Variants in LRP1B observed in about 807,000 individuals in gnomAD.
The protein encoded by LRP1B is low-density lipoprotein receptor-related protein 1B.
A neutral mutation model predicts 556.6 loss-of-function variants in LRP1B; 217 were observed. The ratio of observed to expected loss-of-function variants is 0.39; its 90% CI spans 0.35 to 0.44. The LOEUF (loss-of-function observed/expected upper bound fraction) is 0.44. Ranked by LOEUF, LRP1B falls within the 20% of genes least tolerant of loss-of-function variation. The pLI, the probability that LRP1B is intolerant of heterozygous loss-of-function variation, is 1.00. For synonymous variants in LRP1B, 2,047 were observed against 1,865.8 expected, an observed-to-expected ratio of 1.10 and a Z score of -2.50; for missense variants, 5,053 against 5,620.8, an observed-to-expected ratio of 0.90 and a Z score of 3.23.
chr2:140,897,667 G>A (rs1346364390), intron 23 of LRP1B, among the ~76,000 whole-genome samples: 1 of 152,168 alleles, frequency 6.6e-6, no homozygotes, highest in Non-Finnish European at 1.5e-5. Flanking sequence ...GGAAAGACTA[G>A]ATTTGCTAAG....
intron 1 of LRP1B, among the ~76,000 whole-genome samples, chr2:141,944,283 T>C (rs956958): frequency 0.21 from 32,099 of 152,144 alleles, 4,071 homozygotes; most frequent in East Asian, 0.37. Flanking sequence ...TATTCAATAC[T>C]GGACAGGAAA....
chr2:140,322,438 T>G (rs1680192924), intron 81 of LRP1B, among the ~76,000 whole-genome samples: 1 of 152,042 alleles, frequency 6.6e-6, no homozygotes, highest in South Asian at 2.1e-4. Flanking sequence ...CTAAAGCCAA[T>G]GGAAGTTTTG....
chr2:141,862,997 T>C (rs1698298432), intron 1 of LRP1B, among the ~76,000 whole-genome samples: 1 of 152,192 alleles, frequency 6.6e-6, no homozygotes, highest in Non-Finnish European at 1.5e-5. Context: ...TGCTGAGCTC[T>C]CTCTTATGCA....
At chr2:142,079,372 T>C (rs1371963803) in intron 1 of LRP1B, among the ~76,000 whole-genome samples, 1 of 145,124 alleles carries the variant, frequency 6.9e-6, no homozygotes, top group African/African-American at 2.5e-5. Context: ...AAACATAATT[T>C]ACTAATAAGG....
chr2:141,301,511 C>G (rs2105430582), intron 3 of LRP1B, among the ~76,000 whole-genome samples: 1 of 152,216 alleles, frequency 6.6e-6, no homozygotes, highest in Non-Finnish European at 1.5e-5. Context: ...TAATTCTATT[C>G]CATAGTAAAT....
intron 1 of LRP1B, among the ~76,000 whole-genome samples, chr2:141,962,334 C>A (rs1305370323): frequency 6.6e-6 from 1 of 151,758 alleles, no homozygotes; most frequent in Admixed American, 6.6e-5. Flanking sequence ...ACAAAGACAT[C>A]TTTCATCTAG....
intron 7 of LRP1B, among the ~76,000 whole-genome samples, chr2:141,176,614 T>G (rs1006824490): frequency 7.9e-5 from 12 of 152,162 alleles, no homozygotes; most frequent in African/African-American, 2.9e-4. Flanking sequence ...CAGACTCAGA[T>G]AGTTCTTTAT....
At chr2:140,325,166 A>G (rs2105062547) in intron 80 of LRP1B, among the ~76,000 whole-genome samples, 1 of 152,206 alleles carries the variant, frequency 6.6e-6, no homozygotes, top group East Asian at 1.9e-4. Context: ...ACAGCCAGGC[A>G]GAGAAAAAGT....
At chr2:140,670,341 T>C (rs1054302945) in intron 41 of LRP1B, among the ~76,000 whole-genome samples, 22 of 152,178 alleles carry the variant, frequency 1.4e-4, no homozygotes, top group African/African-American at 5.3e-4. Context: ...CAAAAAAAGG[T>C]AGAAAGAAAA....
chr2:140,730,985 C>T (rs1301193555), intron 35 of LRP1B, among the ~76,000 whole-genome samples: 1 of 152,182 alleles, frequency 6.6e-6, no homozygotes, highest in Admixed American at 6.5e-5. Flanking sequence ...TCTAGCAGCA[C>T]TAGCCTGTTT....
chr2:140,564,253 A>C (rs1681044016), intron 43 of LRP1B, among the ~76,000 whole-genome samples: 1 of 152,104 alleles, frequency 6.6e-6, no homozygotes, highest in Non-Finnish European at 1.5e-5. Context: ...ATGTGGCACA[A>C]CTGAAATTTT....
chr2:140,455,357 G>C (rs753227716), intron 62 of LRP1B, among the ~76,000 whole-genome samples: 1 of 152,038 alleles, frequency 6.6e-6, no homozygotes, highest in African/African-American at 2.4e-5. Flanking sequence ...TGTAAATTTC[G>C]GCTGCAGTAT....
chr2:141,029,091 G>A (rs1337786745), intron 11 of LRP1B, among the ~76,000 whole-genome samples: 1 of 152,134 alleles, frequency 6.6e-6, no homozygotes, highest in Admixed American at 6.6e-5. Flanking sequence ...TCCAGACACA[G>A]AAACATGTGC....
At chr2:140,856,763 ACACACACACACACAC>A (rs1559159130) in intron 27 of LRP1B, among the ~76,000 whole-genome samples, 15 of 130,340 alleles carry the variant, frequency 1.2e-4, no homozygotes, top group African/African-American at 3.8e-4. Context: ...ACACACACAC[ACACACACACACACAC>A]ACATTGTTTT....
At chr2:140,762,078 A>G (rs1688945543) in intron 35 of LRP1B, among the ~76,000 whole-genome samples, 1 of 152,036 alleles carries the variant, frequency 6.6e-6, no homozygotes, top group Non-Finnish European at 1.5e-5. Context: ...AGCAGGGGCA[A>G]TCCTATACTG....
chr2:141,398,401 A>G (rs1690324343), intron 3 of LRP1B, among the ~76,000 whole-genome samples: 1 of 152,214 alleles, frequency 6.6e-6, no homozygotes, highest in Admixed American at 6.5e-5. Flanking sequence ...CTAAAAATAT[A>G]TGGAAATATT....
intron 66 of LRP1B, among the ~76,000 whole-genome samples, chr2:140,422,229 A>G (rs1320618082): frequency 6.6e-6 from 1 of 152,188 alleles, no homozygotes; most frequent in East Asian, 1.9e-4. Context: ...GGCAACATGA[A>G]AGCAGTACAT....
intron 3 of LRP1B, among the ~76,000 whole-genome samples, chr2:141,401,588 A>G (rs1007825214): frequency 2.6e-5 from 4 of 152,200 alleles, no homozygotes; most frequent in Non-Finnish European, 5.9e-5. Flanking sequence ...TCACCAGATC[A>G]TATTCCACAT....
At chr2:141,947,280 C>T (rs7599515) in intron 1 of LRP1B, among the ~76,000 whole-genome samples, 69,704 of 151,396 alleles carry the variant, frequency 0.46, 16,217 homozygotes, top group Admixed American at 0.53. Context: ...AAAAATAAAA[C>T]ATAAAAATTA....
Sources: allele counts gnomAD v4.1 joint callset (sites outside exome capture counted in the v4.1 genomes callset), GRCh38; gene constraint gnomAD v4.1.1; transcripts MANE v1.5; gene names NCBI Gene and HGNC (gene_info 2026-07-23, HGNC 2026-07-21).